FLRT2: variants seen among roughly 807,000 people sequenced by gnomAD.
The protein encoded by FLRT2 is leucine-rich repeat transmembrane protein FLRT2.
In FLRT2, 15 loss-of-function variants were observed where a neutral mutation model predicts 40.0. The ratio of observed to expected loss-of-function variants is 0.38; its 90% CI spans 0.25 to 0.58. FLRT2 has a LOEUF of 0.58. Among genes scored for constraint, FLRT2 ranks in the 20% least tolerant of loss-of-function variants. The probability of loss-of-function intolerance (pLI) is 0.71; values close to 1 mark genes in which losing one functional copy is unlikely to be tolerated. For synonymous variants in FLRT2, 380 were observed against 336.8 expected (o/e 1.13, Z -1.41); for missense variants, 726 against 840.0 (o/e 0.86, Z 1.68).
At chr14:85,614,213 A>G (rs1159449051) in intron 1 of FLRT2, among the ~76,000 whole-genome samples, 1 of 152,204 alleles carries the variant, frequency 6.6e-6, no homozygotes. Flanking sequence ...AAAGCTGTTC[A>G]GGTCCTCTGT....
chr14:85,542,188 A>G (rs1408208902), intron 1 of FLRT2, among the ~76,000 whole-genome samples: 1 of 152,192 alleles, frequency 6.6e-6, no homozygotes, highest in Non-Finnish European at 1.5e-5. Context: ...ATTTTCAATT[A>G]AGTAAAGGAA....
In FLRT2 at chr14:85,634,900, A is replaced by T. The variant is rs1893966810; in HGVS notation, c.*11403A>T. The T allele has an allele frequency of 6.6e-6, 1 of 152,116 alleles. No homozygotes were observed. The highest frequency in any genetic ancestry group is 6.5e-5 in the Admixed American group (1 of 15,268). 9.4% of individuals were successfully genotyped at this position (152,116 alleles called of 1,614,324 possible). A position where few individuals can be genotyped will look rare whatever the true frequency, so the allele number is the denominator to read the frequency against. ...AGTCAAAAGCGCAGGAATTTAGTTG[A>T]TCTCCCAAGTTACTTTGGACCTTAA... On this transcript the variant is annotated 3_prime_UTR_variant, in exon 2 of 2. Transcript: ENST00000330753.
chr14:85,599,686 T>A (rs780763620), intron 1 of FLRT2, among the ~76,000 whole-genome samples: 2 of 152,206 alleles, frequency 1.3e-5, no homozygotes, highest in African/African-American at 4.8e-5. Context: ...TTTCTCCTTC[T>A]CTCTCTTTTC....
intron 1 of FLRT2, among the ~76,000 whole-genome samples, chr14:85,573,306 A>G (rs191191286): frequency 0.01 from 1,530 of 151,936 alleles, 21 homozygotes; most frequent in African/African-American, 0.034. Flanking sequence ...CATCACACTC[A>G]CACATCTCTC....
intron 1 of FLRT2, among the ~76,000 whole-genome samples, chr14:85,585,284 G>A (rs1891566913): frequency 6.6e-6 from 1 of 152,140 alleles, no homozygotes; most frequent in Non-Finnish European, 1.5e-5. Flanking sequence ...GGTCAAGATG[G>A]TTTGCTCAAA....
intron 1 of FLRT2, among the ~76,000 whole-genome samples, chr14:85,541,635 G>A (rs1888990370): frequency 6.6e-6 from 1 of 152,132 alleles, no homozygotes; most frequent in South Asian, 2.1e-4. Context: ...CATAGGAGAG[G>A]CCTAATGAAT....
intron 1 of FLRT2, among the ~76,000 whole-genome samples, chr14:85,557,762 A>G (rs1334377445): frequency 6.6e-6 from 1 of 152,194 alleles, no homozygotes; most frequent in East Asian, 1.9e-4. Context: ...GGTTGCAGTG[A>G]GCCGAGATTG....
At chr14:85,600,475 G>A (rs1014886987) in intron 1 of FLRT2, among the ~76,000 whole-genome samples, 16 of 152,098 alleles carry the variant, frequency 1.1e-4, no homozygotes, top group African/African-American at 3.9e-4. Flanking sequence ...TTATGTGCAG[G>A]GAAGAAAACA....
chr14:85,631,112 T>TATATATATATATATA lies in FLRT2; in HGVS notation c.*7615_*7616insATATATATATATATA, dbSNP rs1893858889. The TATATATATATATATA allele has an allele frequency of 2.6e-4, 24 of 91,858 alleles. No homozygotes were observed. The highest frequency in any genetic ancestry group is 3.0e-4 in the Non-Finnish European group (16 of 53,012). The allele number at this position is 91,858 out of a possible 1,614,324, so 5.7% of individuals were successfully genotyped here. A position where few individuals can be genotyped will look rare whatever the true frequency, so the allele number is the denominator to read the frequency against. ...TATAATTACATATATAATCTAGATT[T>TATATATATATATATA]TATATATATATATATATGAAATGAG... On this transcript the variant is annotated 3_prime_UTR_variant, in exon 2 of 2. Coordinates refer to ENST00000330753, the MANE Select transcript of FLRT2 (RefSeq NM_013231.6).
Position 85,647,317 on chromosome 14 carries a change from T to C in FLRT2, c.*23820T>C, listed in dbSNP as rs1231049869. 3.9e-5 allele frequency: 6 copies of C among 152,210 alleles called. No homozygotes were observed. Among genetic ancestry groups the C allele is most frequent in the Non-Finnish European group, 8.8e-5 (6 of 68,040 alleles). The allele number at this position is 152,210 out of a possible 1,614,324, so 9.4% of individuals were successfully genotyped here. Reference sequence around the variant, plus strand: ...TTAACAGAGGAGTTTTGTTTTCTTGTTATCTGTAGCAGAATTGAATGTTGC... The same window carrying C: ...TTAACAGAGGAGTTTTGTTTTCTTGCTATCTGTAGCAGAATTGAATGTTGC... On this transcript the variant is annotated 3_prime_UTR_variant, in exon 2 of 2. Transcript: ENST00000330753.
chr14:85,596,253 A>G (rs1236362403), intron 1 of FLRT2, among the ~76,000 whole-genome samples: 1 of 152,214 alleles, frequency 6.6e-6, no homozygotes, highest in African/African-American at 2.4e-5. Context: ...GGAGACTGAC[A>G]TAGAAACTGT....
At chr14:85,569,614 A>G (rs1890799097) in intron 1 of FLRT2, among the ~76,000 whole-genome samples, 1 of 152,218 alleles carries the variant, frequency 6.6e-6, no homozygotes. Context: ...AGACAGTCAC[A>G]GTGAGGAATG....
Position 85,633,967 on chromosome 14 carries a change from T to G in FLRT2, c.*10470T>G, listed in dbSNP as rs2139388999. 6.6e-6 allele frequency: 1 copy of G among 152,318 alleles called. No homozygotes were observed. Among genetic ancestry groups the G allele is most frequent in the South Asian group, 2.1e-4 (1 of 4,828 alleles). The allele number at this position is 152,318 out of a possible 1,614,324, so 9.4% of individuals were successfully genotyped here. A position where few individuals can be genotyped will look rare whatever the true frequency, so the allele number is the denominator to read the frequency against. On this transcript the variant is annotated 3_prime_UTR_variant, in exon 2 of 2. Coordinates refer to ENST00000330753, the MANE Select transcript of FLRT2 (RefSeq NM_013231.6). ...GCAGTCAAATGGAAGAACATTTTAA[T>G]GTCTCTACAATGCAGGTGCAATAGT...
intron 1 of FLRT2, among the ~76,000 whole-genome samples, chr14:85,583,874 C>T (rs1891500636): frequency 6.6e-6 from 1 of 151,768 alleles, no homozygotes; most frequent in Non-Finnish European, 1.5e-5. Context: ...CCTGTAATCC[C>T]AGCTACTTGG....
intron 1 of FLRT2, among the ~76,000 whole-genome samples, chr14:85,586,347 C>T (rs966584426): frequency 6.4e-4 from 98 of 151,970 alleles, no homozygotes; most frequent in African/African-American, 2.2e-3. Flanking sequence ...AGTTTTCTTA[C>T]GTACTCTGCT....
intron 1 of FLRT2, among the ~76,000 whole-genome samples, chr14:85,605,090 C>T (rs2638795): frequency 0.82 from 125,329 of 152,110 alleles, 51,673 homozygotes; most frequent in East Asian, 0.88. Context: ...TGAGCGTTTT[C>T]ATCTTTTCTT....
At chr14:85,606,781 C>T (rs1294541888) in intron 1 of FLRT2, among the ~76,000 whole-genome samples, 1 of 151,000 alleles carries the variant, frequency 6.6e-6, no homozygotes, top group African/African-American at 2.4e-5. Context: ...CCTCAGCCTC[C>T]CAAAGTGCTG....
intron 1 of FLRT2, among the ~76,000 whole-genome samples, chr14:85,540,524 T>C (rs909782433): frequency 1.3e-5 from 2 of 152,190 alleles, no homozygotes; most frequent in Non-Finnish European, 2.9e-5. Flanking sequence ...TTAATTGTTT[T>C]TCTGTTGCAT....
At chr14:85,532,649 G>T (rs957754705) in intron 1 of FLRT2, among the ~76,000 whole-genome samples, 4 of 152,140 alleles carry the variant, frequency 2.6e-5, no homozygotes, top group African/African-American at 9.7e-5. Flanking sequence ...GAAAGTGGGG[G>T]TGTTTAAATT....
Sources: gnomAD v4.1 joint callset for allele counts (sites outside exome capture counted in the v4.1 genomes callset) on GRCh38, gnomAD v4.1.1 for gene constraint, MANE v1.5 for transcripts, NCBI Gene and HGNC (gene_info 2026-07-23, HGNC 2026-07-21) for gene names.